The following AKT3 variants were observed in gnomAD, a reference collection of about 807,000 sequenced individuals.
The protein encoded by AKT3 is RAC-gamma serine/threonine-protein kinase.
In AKT3, 15 loss-of-function variants were observed where a neutral mutation model predicts 65.3. The observed-to-expected ratio is 0.23, with a 90% CI of 0.15 to 0.35. The LOEUF (loss-of-function observed/expected upper bound fraction) is 0.35. AKT3 is among the 10% of genes least tolerant of loss of function. AKT3 has a pLI of 1.00. For missense variants in AKT3, 243 were observed against 576.5 expected (o/e 0.42, Z 5.92); for synonymous variants, 206 against 183.8 (o/e 1.12, Z -0.98).
rs1039479390 is a variant in AKT3, at chr1:243,614,822, C to G, written c.627+274G>C. Reference sequence around the variant, plus strand: ...TAAAATGCCAGAGGTAATGTATTAACTCTATGGTTTGTTTTTGTTTTTAAT... The same window carrying G: ...TAAAATGCCAGAGGTAATGTATTAAGTCTATGGTTTGTTTTTGTTTTTAAT... On this transcript the variant is annotated intron_variant, in intron 7 of 13. Transcript: ENST00000673466. 2.0e-5 allele frequency among the ~76,000 whole-genome samples: 3 copies of G among 151,836 alleles called. No individual in the cohort carries two copies. In the East Asian group the frequency reaches 5.8e-4, roughly 29 times the overall value.
chr1:243,836,132 T>G (rs1694874994), intron 2 of AKT3, among the ~76,000 whole-genome samples: 2 of 151,996 alleles, frequency 1.3e-5, no homozygotes, highest in African/African-American at 4.8e-5. Context: ...GACCCAAACA[T>G]ATGCTGTCAA....
chr1:243,776,198 C>T (rs1053853114), intron 2 of AKT3, among the ~76,000 whole-genome samples: 6 of 152,052 alleles, frequency 3.9e-5, no homozygotes, highest in South Asian at 2.1e-4. Flanking sequence ...AGCCCATATG[C>T]GAAATTTTAG....
intron 12 of AKT3, among the ~76,000 whole-genome samples, chr1:243,525,150 C>T (rs1670963063): frequency 6.6e-6 from 1 of 152,178 alleles, no homozygotes; most frequent in Admixed American, 6.5e-5. Context: ...ACCACACATG[C>T]ACAGGGCAGG....
At chr1:243,607,452 G>C (rs1572019844) in intron 8 of AKT3, among the ~76,000 whole-genome samples, 1 of 152,182 alleles carries the variant, frequency 6.6e-6, no homozygotes, top group Non-Finnish European at 1.5e-5. Context: ...CTTTAGACTT[G>C]CATGGGGCCT....
intron 13 of AKT3, among the ~76,000 whole-genome samples, chr1:243,490,457 G>A (rs1235818156): frequency 2.0e-5 from 3 of 152,234 alleles, no homozygotes; most frequent in East Asian, 1.9e-4. Context: ...GATTCTGGAC[G>A]ACACTACATT....
chr1:243,660,272 G>A (rs1239020576), intron 4 of AKT3, among the ~76,000 whole-genome samples: 1 of 151,858 alleles, frequency 6.6e-6, no homozygotes, highest in Non-Finnish European at 1.5e-5. Flanking sequence ...TTGCGTAGAG[G>A]TGTTTGTAGT....
At chr1:243,492,317 T>TTTTTTTTTA (rs1666676695) in intron 13 of AKT3, among the ~76,000 whole-genome samples, 1 of 141,470 alleles carries the variant, frequency 7.1e-6, no homozygotes, top group African/African-American at 2.6e-5. Flanking sequence ...TTTTTTTTTT[T>TTTTTTTTTA]TTGAGACGGA....
At chr1:243,645,744 C>T (rs2147845303) in intron 5 of AKT3, 149 bp downstream of exon 5, 3 of 727,146 alleles carry the variant, frequency 4.1e-6, no homozygotes, top group South Asian at 5.3e-5. Context: ...TAAACAACAA[C>T]AGGTATTTCA....
chr1:243,491,346 C>T (rs1204961896), intron 13 of AKT3, among the ~76,000 whole-genome samples: 1 of 152,234 alleles, frequency 6.6e-6, no homozygotes, highest in Non-Finnish European at 1.5e-5. Context: ...GAAGCAACAG[C>T]AATGATTTGC....
At chr1:243,648,775 T>C (rs1182477219) in intron 4 of AKT3, among the ~76,000 whole-genome samples, 1 of 152,140 alleles carries the variant, frequency 6.6e-6, no homozygotes. Flanking sequence ...TCTAATGTTT[T>C]CTTGGATGTC....
At position 243,500,135 on chromosome 1, in the gene AKT3, A is replaced by C. The variant is rs1669120388; in HGVS notation, c.*5114T>G. ...CTTTTTATCTTGTAGTGATGAACAA[A>C]ACACACCAAAAAGGCACATATTTTA... is the stretch of plus-strand genomic sequence containing the variant. On this transcript the variant is annotated 3_prime_UTR_variant, in exon 14 of 14. Transcript: ENST00000673466. The C allele has an allele frequency of 3.1e-6, 1 of 317,620 alleles. No individual in the cohort carries two copies. Among genetic ancestry groups the C allele is most frequent in the Non-Finnish European group, 5.8e-6 (1 of 171,480 alleles). 19.7% of individuals were successfully genotyped at this position (317,620 alleles called of 1,614,324 possible).
At chr1:243,817,513 G>A (rs1042687149) in intron 2 of AKT3, among the ~76,000 whole-genome samples, 2 of 152,200 alleles carry the variant, frequency 1.3e-5, no homozygotes, top group Non-Finnish European at 2.9e-5. Context: ...AACTGAGGTG[G>A]GCGAATCACT....
chr1:243,660,380 T>C (rs1572122792), intron 4 of AKT3, among the ~76,000 whole-genome samples: 2 of 152,148 alleles, frequency 1.3e-5, no homozygotes, highest in Non-Finnish European at 2.9e-5. Context: ...GTGGGCTTCA[T>C]CCCTGGGATG....
At chr1:243,646,127 A>C in intron 4 of AKT3, 90 bp from the exon 5 acceptor site, 1 of 1,142,958 alleles carries the variant, frequency 8.7e-7, no homozygotes, top group East Asian at 2.6e-5. Flanking sequence ...AATACAAATA[A>C]AATCTATTCA....
chr1:243,783,828 A>G (rs963179444), intron 2 of AKT3, among the ~76,000 whole-genome samples: 1 of 152,212 alleles, frequency 6.6e-6, no homozygotes, highest in Non-Finnish European at 1.5e-5. Context: ...AAGCAGTACC[A>G]TACACAAACA....
At chr1:243,733,677 A>G (rs1034294220) in intron 2 of AKT3, among the ~76,000 whole-genome samples, 7 of 152,234 alleles carry the variant, frequency 4.6e-5, no homozygotes. Flanking sequence ...AACAAGTTAT[A>G]TGAAATTCTG....
At chr1:243,648,214 C>T (rs1680991277) in intron 4 of AKT3, among the ~76,000 whole-genome samples, 1 of 150,170 alleles carries the variant, frequency 6.7e-6, no homozygotes, top group African/African-American at 2.5e-5. Context: ...GCTGAAATCA[C>T]ACCATGGCAC....
intron 10 of AKT3, among the ~76,000 whole-genome samples, chr1:243,560,434 T>C (rs540290419): frequency 7.9e-5 from 12 of 152,250 alleles, no homozygotes; most frequent in Non-Finnish European, 1.6e-4. Flanking sequence ...GTAAACACAG[T>C]CAAAGTTTAA....
chr1:243,809,600 C>T (rs1182612191), intron 2 of AKT3, among the ~76,000 whole-genome samples: 2 of 152,124 alleles, frequency 1.3e-5, no homozygotes, highest in Non-Finnish European at 2.9e-5. Flanking sequence ...TTTAACACCC[C>T]ACTGTCAACA....
Sources: allele counts gnomAD v4.1 joint callset (sites outside exome capture counted in the v4.1 genomes callset), GRCh38; gene constraint gnomAD v4.1.1; transcripts MANE v1.5; gene names NCBI Gene and HGNC (gene_info 2026-07-23, HGNC 2026-07-21).